ZFAT: variants seen among roughly 807,000 people sequenced by gnomAD.
ZFAT encodes the protein zinc finger protein ZFAT.
In ZFAT, 64 loss-of-function variants were observed where a neutral mutation model predicts 117.7. That is an observed-to-expected ratio of 0.54 (90% CI 0.44 to 0.67). The LOEUF (loss-of-function observed/expected upper bound fraction) is 0.67, where lower values mean the gene tolerates loss of function less well. Among genes scored for constraint, ZFAT ranks in the 30% least tolerant of loss-of-function variants. The pLI is 0.00. For synonymous variants in ZFAT, 679 were observed against 615.0 expected (o/e 1.10, Z -1.54); for missense variants, 1,433 against 1,584.5 (o/e 0.90, Z 1.62).
At chr8:134,643,162 A>G (rs1050865890) in intron 2 of ZFAT, among the ~76,000 whole-genome samples, 1 of 152,260 alleles carries the variant, frequency 6.6e-6, no homozygotes, top group African/African-American at 2.4e-5. Flanking sequence ...GATCCCCATC[A>G]TATAGTAGAG....
chr8:134,514,921 T>C (rs962503310), intron 13 of ZFAT, among the ~76,000 whole-genome samples: 1 of 152,198 alleles, frequency 6.6e-6, no homozygotes, highest in Non-Finnish European at 1.5e-5. Context: ...CAACTCGTCA[T>C]CTACATTAGG....
At chr8:134,673,098 G>A (rs1412133937) in intron 1 of ZFAT, 1 of 152,174 alleles carries the variant, frequency 6.6e-6, no homozygotes, top group Non-Finnish European at 1.5e-5. Context: ...GAATGAGGGA[G>A]GGAGTCCTCT....
the ZFAT span, among the ~76,000 whole-genome samples, chr8:134,787,267 C>G: frequency 6.6e-6 from 1 of 152,174 alleles, no homozygotes; most frequent in South Asian, 2.1e-4. Flanking sequence ...TAGTTGCCTA[C>G]CCCAAAACAT....
At chr8:134,775,902 A>G in the ZFAT span, among the ~76,000 whole-genome samples, 64,161 of 152,096 alleles carry the variant, frequency 0.42, 13,761 homozygotes, top group Admixed American at 0.49. Flanking sequence ...ACTGTACATC[A>G]AAGTATGCAT....
At chr8:134,681,952 G>A (rs1418647790) in intron 1 of ZFAT, among the ~76,000 whole-genome samples, 1 of 152,162 alleles carries the variant, frequency 6.6e-6, no homozygotes, top group African/African-American at 2.4e-5. Context: ...AAGAGACTCA[G>A]GTTAGAACAA....
intron 5 of ZFAT, among the ~76,000 whole-genome samples, chr8:134,606,729 GAAA>G (rs75459456): frequency 2.1e-5 from 1 of 47,942 alleles, no homozygotes; most frequent in Admixed American, 2.2e-4. Context: ...CTCTGTCTCA[GAAA>G]AAAAAAAAAA....
intron 15 of ZFAT, among the ~76,000 whole-genome samples, chr8:134,506,374 GC>G: frequency 6.6e-6 from 1 of 152,200 alleles, no homozygotes; most frequent in South Asian, 2.1e-4. Flanking sequence ...AGATGCTCGG[GC>G]CCCATGAATC....
chr8:134,624,216 A>ACACCCC (rs1554605683), intron 3 of ZFAT, among the ~76,000 whole-genome samples: 6 of 146,180 alleles, frequency 4.1e-5, no homozygotes, highest in African/African-American at 1.2e-4. Flanking sequence ...ACACACACAC[A>ACACCCC]CACCCTTAAC....
intron 15 of ZFAT, among the ~76,000 whole-genome samples, chr8:134,500,401 T>A (rs1439625902): frequency 1.3e-5 from 2 of 152,216 alleles, no homozygotes; most frequent in Non-Finnish European, 2.9e-5. Context: ...TAGATGAGCA[T>A]ACTCAGGTTA....
the ZFAT span, among the ~76,000 whole-genome samples, chr8:134,822,853 A>G: frequency 6.6e-6 from 1 of 152,172 alleles, no homozygotes; most frequent in South Asian, 2.1e-4. Context: ...AAGATTAAAA[A>G]GCGGCTTCAT....
chr8:134,592,516 C>T (rs1261872466), intron 7 of ZFAT, among the ~76,000 whole-genome samples: 1 of 152,164 alleles, frequency 6.6e-6, no homozygotes, highest in East Asian at 1.9e-4. Flanking sequence ...CCTCTCAGTG[C>T]CTCCGTTTCA....
At chr8:134,794,757 C>T in the ZFAT span, 105 of 152,282 alleles carry the variant, frequency 6.9e-4, no homozygotes, top group African/African-American at 2.5e-3. Context: ...GTTTTAAAAA[C>T]ACACGTTAAT....
the ZFAT span, among the ~76,000 whole-genome samples, chr8:134,801,513 T>C: frequency 6.6e-6 from 1 of 152,194 alleles, no homozygotes; most frequent in Non-Finnish European, 1.5e-5. Flanking sequence ...CGCCAGTCTC[T>C]ACCTAGTCTC....
At position 134,588,318 on chromosome 8, in the gene ZFAT, T is replaced by C. The variant is rs889208886; in HGVS notation, c.2641A>G (p.Lys881Glu). Residue 881 changes from lysine to glutamate, a missense_variant, in exon 9 of 16, where the codon AAA (lysine) becomes GAA (glutamate). This residue lies in a region of ZFAT where 503 missense variants were observed against 543.4 expected (regional missense o/e 0.93). Coordinates refer to ENST00000377838, the MANE Select transcript of ZFAT (RefSeq NM_020863.4). ...LKGLIGKRAM[K>E]CPYCDFYFMK... is the part of the protein sequence containing the mutation. ...AAATAAAAGTCACAATATGGGCATT[T>C]CATGGCTCTCTTTCCAATTAGCCCT... is the stretch of plus-strand genomic sequence containing the variant. 6.9e-6 allele frequency: 11 copies of C among 1,587,426 alleles called. No individual in the cohort carries two copies. Among genetic ancestry groups the C allele is most frequent in the Non-Finnish European group, 9.4e-6 (11 of 1,166,010 alleles).
At chr8:134,663,299 C>T (rs77715617) in intron 1 of ZFAT, among the ~76,000 whole-genome samples, 3,271 of 152,214 alleles carry the variant, frequency 0.021, 136 homozygotes, top group African/African-American at 0.075. Context: ...CACAGGGAAA[C>T]GCTCCTAATG....
chr8:134,694,828 C>A (rs574910731), intron 1 of ZFAT, among the ~76,000 whole-genome samples: 1 of 152,120 alleles, frequency 6.6e-6, no homozygotes, highest in Non-Finnish European at 1.5e-5. Context: ...AGAAGACATT[C>A]GGAGTATTAA....
rs369069661 is a variant in ZFAT at position 134,588,433 on chromosome 8, C to A, written c.2564-38G>T. On this transcript the variant is annotated intron_variant, in intron 8 of 15. Transcript: ENST00000377838. ...CAGGATGTCAAAAGGAGTCAGAGCA[C>A]CTCAGGGGAAGTTAGACATAAATAA... 62 of 1,533,852 alleles carry A rather than the reference C, an allele frequency of 4.0e-5. No individual in the cohort carries two copies. In the African/African-American group the frequency reaches 8.4e-4, roughly 21 times the overall value.
At chr8:134,551,528 G>C (rs1823167127) in intron 11 of ZFAT, among the ~76,000 whole-genome samples, 1 of 152,234 alleles carries the variant, frequency 6.6e-6, no homozygotes, top group Admixed American at 6.5e-5. Context: ...AGGAGTTGTA[G>C]TATAAATAAA....
At chr8:134,564,186 C>A (rs1356464666) in intron 11 of ZFAT, among the ~76,000 whole-genome samples, 1 of 128,424 alleles carries the variant, frequency 7.8e-6, no homozygotes, top group African/African-American at 2.9e-5. Flanking sequence ...GAGTGAGACT[C>A]CTTCTCAAAA....
Sources: allele counts gnomAD v4.1 joint callset (sites outside exome capture counted in the v4.1 genomes callset), GRCh38; gene constraint gnomAD v4.1.1; regional missense constraint gnomAD v4.1.1; transcripts MANE v1.5; gene names NCBI Gene and HGNC (gene_info 2026-07-23, HGNC 2026-07-21).